RSRC1: variants seen among roughly 807,000 people sequenced by gnomAD.
RSRC1 encodes serine/Arginine-related protein 53.
A neutral mutation model predicts 49.1 loss-of-function variants in RSRC1; 39 were observed. The ratio of observed to expected loss-of-function variants is 0.79; its 90% CI spans 0.61 to 1.04. The LOEUF (loss-of-function observed/expected upper bound fraction) is 1.04. Ranked by LOEUF, RSRC1 falls within the 50% of genes least tolerant of loss-of-function variation. RSRC1 has a pLI of 0.00. For synonymous variants in RSRC1, 143 were observed against 130.8 expected, an observed-to-expected ratio of 1.09 and a Z score of -0.63; for missense variants, 388 against 402.4, an observed-to-expected ratio of 0.96 and a Z score of 0.31.
At chr3:158,142,610 C>A (rs1716818289) in intron 3 of RSRC1, among the ~76,000 whole-genome samples, 2 of 152,038 alleles carry the variant, frequency 1.3e-5, no homozygotes, top group Non-Finnish European at 2.9e-5. Context: ...GAAGGGGGAG[C>A]CAGCACATCA....
intron 7 of RSRC1, among the ~76,000 whole-genome samples, chr3:158,530,676 C>G (rs1385741626): frequency 6.6e-6 from 1 of 151,682 alleles, no homozygotes; most frequent in Admixed American, 6.6e-5. Flanking sequence ...CTATTACTAT[C>G]TCCATGCCAT....
intron 6 of RSRC1, among the ~76,000 whole-genome samples, chr3:158,371,966 GCA>G (rs1467388308): frequency 6.6e-6 from 1 of 151,680 alleles, no homozygotes; most frequent in Non-Finnish European, 1.5e-5. Context: ...ATGATGTTAA[GCA>G]CTCTTAATGT....
chr3:158,272,792 A>G (rs1199573724), intron 4 of RSRC1, among the ~76,000 whole-genome samples: 1 of 152,068 alleles, frequency 6.6e-6, no homozygotes, highest in Non-Finnish European at 1.5e-5. Flanking sequence ...AGATGTTTGA[A>G]GAACAGTACA....
intron 2 of RSRC1, among the ~76,000 whole-genome samples, chr3:158,123,406 T>G (rs1034209760): frequency 6.6e-6 from 1 of 152,208 alleles, no homozygotes; most frequent in Non-Finnish European, 1.5e-5. Flanking sequence ...TCCTCCCACC[T>G]CAGCTTCCTG....
chr3:158,191,345 T>C (rs989722762), intron 3 of RSRC1, among the ~76,000 whole-genome samples: 11 of 152,114 alleles, frequency 7.2e-5, no homozygotes, highest in African/African-American at 2.4e-4. Flanking sequence ...TTTTATTTTA[T>C]GGTAAATGTA....
rs112954867 is a variant in RSRC1, at chr3:158,321,575, T to TA, written c.531+23503dup. On this transcript the variant is annotated intron_variant, in intron 5 of 9. Transcript: ENST00000611884. ...ATATTTTTGTGTTTTTTTTTTTTTT[T>TA]AAACACACTATGTATTTATATGTAT... Among the ~76,000 whole-genome samples the TA allele has an allele frequency of 8.8e-3, 1,297 of 147,938 alleles. 20 individuals are homozygous for TA. Among genetic ancestry groups the TA allele is most frequent in the African/African-American group, 0.026 (1,064 of 40,628 alleles).
In RSRC1 at chr3:158,229,232, GTGTA is replaced by G. The variant is rs1050809598; in HGVS notation, c.494+25997_494+26000del. Among the ~76,000 whole-genome samples, 37 of 150,328 alleles carry G rather than the reference GTGTA, an allele frequency of 2.5e-4. 4 individuals are homozygous for G. The highest frequency in any genetic ancestry group is 5.9e-4 in the East Asian group (3 of 5,118). On this transcript the variant is annotated intron_variant, in intron 4 of 9. Coordinates refer to ENST00000611884, the MANE Select transcript of RSRC1 (RefSeq NM_001271838.2). ...TATGTATACACACATACACGTATAT[GTGTA>G]TGTATGTATATAAACATACATGTAT...
At chr3:158,332,834 A>G (rs1227459652) in intron 5 of RSRC1, among the ~76,000 whole-genome samples, 4 of 152,140 alleles carry the variant, frequency 2.6e-5, no homozygotes, top group African/African-American at 9.7e-5. Context: ...TAGTTTTTAA[A>G]AAATGTAATG....
intron 4 of RSRC1, among the ~76,000 whole-genome samples, chr3:158,242,656 A>C (rs1723660318): frequency 6.6e-6 from 1 of 151,416 alleles, no homozygotes; most frequent in African/African-American, 2.4e-5. Flanking sequence ...ACTAATTTAC[A>C]CTCCCACCAA....
intron 4 of RSRC1, among the ~76,000 whole-genome samples, chr3:158,265,314 A>G (rs1725107474): frequency 6.6e-6 from 1 of 152,088 alleles, no homozygotes; most frequent in Admixed American, 6.5e-5. Flanking sequence ...ACTTATCTTG[A>G]ACCAAATCTT....
intron 7 of RSRC1, among the ~76,000 whole-genome samples, chr3:158,508,923 T>C (rs1311447814): frequency 6.6e-6 from 1 of 152,194 alleles, no homozygotes; most frequent in Non-Finnish European, 1.5e-5. Context: ...GCTCCCTGAT[T>C]TGCAGATATT....
chr3:158,380,034 C>T (rs773055049), intron 6 of RSRC1, among the ~76,000 whole-genome samples: 31 of 151,944 alleles, frequency 2.0e-4, no homozygotes, highest in Non-Finnish European at 3.5e-4. Flanking sequence ...GCTTAATAAA[C>T]GTTTTCTGGT....
intron 6 of RSRC1, among the ~76,000 whole-genome samples, chr3:158,406,859 G>A (rs555727059): frequency 6.6e-6 from 1 of 152,054 alleles, no homozygotes; most frequent in Non-Finnish European, 1.5e-5. Context: ...TTTCCTTTCA[G>A]CAGTGATGTA....
rs547985477 is a variant in RSRC1 at position 158,314,723 on chromosome 3, A to G, written c.531+16648A>G. 1.2e-3 allele frequency among the ~76,000 whole-genome samples: 177 copies of G among 152,230 alleles called. 1 individual carries two copies. Among genetic ancestry groups the G allele is most frequent in the Non-Finnish European group, 2.4e-3 (164 of 68,044 alleles). The stretch of plus-strand genomic sequence containing the variant: ...AATAGTGTGTTTTCCGGTATGGTTA[A>G]AATAAACATAGTTTAAGATATACAG... On this transcript the variant is annotated intron_variant, in intron 5 of 9. Coordinates refer to ENST00000611884, the MANE Select transcript of RSRC1 (RefSeq NM_001271838.2).
intron 7 of RSRC1, among the ~76,000 whole-genome samples, chr3:158,489,039 A>G (rs1048749407): frequency 1.3e-5 from 2 of 152,220 alleles, no homozygotes; most frequent in African/African-American, 4.8e-5. Flanking sequence ...AAGTCTTTCA[A>G]TACAAGAAAC....
At chr3:158,469,416 C>T (rs1386334888) in intron 7 of RSRC1, 1 of 438,910 alleles carries the variant, frequency 2.3e-6, no homozygotes, top group Admixed American at 2.6e-5. Flanking sequence ...TATATGATTC[C>T]TGTCTGTGGA....
chr3:158,502,721 G>A (rs956026292), intron 7 of RSRC1, among the ~76,000 whole-genome samples: 33 of 151,922 alleles, frequency 2.2e-4, no homozygotes, highest in Admixed American at 5.2e-4. Context: ...ATTTTTTATT[G>A]TTTTCTCTTT....
intron 3 of RSRC1, among the ~76,000 whole-genome samples, chr3:158,153,614 TAGTCATGCCC>T (rs1717684745): frequency 6.6e-6 from 1 of 152,190 alleles, no homozygotes; most frequent in African/African-American, 2.4e-5. Flanking sequence ...AGTTACTTGG[TAGTCATGCCC>T]CGTTGGTCTT....
intron 3 of RSRC1, among the ~76,000 whole-genome samples, chr3:158,149,876 G>A (rs140347505): frequency 6.6e-6 from 1 of 152,124 alleles, no homozygotes; most frequent in Non-Finnish European, 1.5e-5. Context: ...TCAACTGAGT[G>A]ACAGCATAAC....
Sources: gnomAD v4.1 joint callset for allele counts (sites outside exome capture counted in the v4.1 genomes callset) on GRCh38, gnomAD v4.1.1 for gene constraint, MANE v1.5 for transcripts, NCBI Gene and HGNC (gene_info 2026-07-23, HGNC 2026-07-21) for gene names.